The following UGT1A8 variants were observed in gnomAD, a reference collection of about 807,000 sequenced individuals.
The protein encoded by UGT1A8 is UDP glucuronosyltransferase family 1 member A8.
A neutral mutation model predicts 45.3 loss-of-function variants in UGT1A8; 39 were observed. The ratio of observed to expected loss-of-function variants is 0.86; its 90% confidence interval spans 0.67 to 1.12. UGT1A8 has a LOEUF of 1.12. Among genes scored for constraint, UGT1A8 ranks in the 50% most tolerant of loss-of-function variants. The pLI, the probability that UGT1A8 is intolerant of heterozygous loss-of-function variation, is 0.00. For synonymous variants in UGT1A8, 275 were observed against 249.2 expected (o/e 1.10, Z -0.97); for missense variants, 719 against 664.9 (o/e 1.08, Z -0.90).
At chr2:233,635,837 A>C (rs960344844) in intron 1 of UGT1A8, among the ~76,000 whole-genome samples, 1 of 150,762 alleles carries the variant, frequency 6.6e-6, no homozygotes, top group Non-Finnish European at 1.5e-5. Context: ...TGGGCCAGCA[A>C]CTCCCCACTG....
Position 233,668,147 on chromosome 2 carries a change from C to G in UGT1A8, c.855+49585C>G, listed in dbSNP as rs543211012. Among the ~76,000 whole-genome samples, 114 of 152,134 alleles carry G rather than the reference C, an allele frequency of 7.5e-4. 1 individual carries two copies. The highest frequency in any genetic ancestry group is 2.7e-3 in the African/African-American group (113 of 41,514). On this transcript the variant is annotated intron_variant, in intron 1 of 4. Transcript: ENST00000373450. ...TGTATACATGTGCCGTGTTGGTTTG[C>G]TGCACCCATTAACTCGTCATTTACA...
intron 1 of UGT1A8, among the ~76,000 whole-genome samples, chr2:233,725,693 A>G (rs2077467209): frequency 1.3e-5 from 2 of 152,246 alleles, no homozygotes; most frequent in African/African-American, 2.4e-5. Flanking sequence ...CTCAATAGTC[A>G]TATGTAGTTA....
chr2:233,768,319 G>A lies in UGT1A8; in HGVS notation c.1175G>A (p.Gly392Asp), dbSNP rs367897068. The A allele has an allele frequency of 6.2e-7, 1 of 1,614,162 alleles. No homozygotes were observed. Among genetic ancestry groups the A allele is most frequent in the Non-Finnish European group, 8.5e-7 (1 of 1,180,044 alleles). The change falls in exon 4 of 5, where the codon GGT (glycine) becomes GAT (aspartate). Residue 392 changes from glycine (G) to aspartate (D), a missense_variant. Gly to Asp is a moderately conservative substitution (Grantham distance 94). Transcript: ENST00000373450. ...CCCATGGTGATGATGCCCTTGTTTG[G>A]TGATCAGATGGACAATGCAAAGCGC... ...GVPMVMMPLF[G>D]DQMDNAKRME...
At chr2:233,650,977 A>G (rs2073724820) in intron 1 of UGT1A8, among the ~76,000 whole-genome samples, 1 of 152,194 alleles carries the variant, frequency 6.6e-6, no homozygotes, top group African/African-American at 2.4e-5. Flanking sequence ...ACACAGTTGT[A>G]TGTCTCACAC....
At chr2:233,743,673 G>C (rs1692427758) in intron 1 of UGT1A8, 4 of 1,367,190 alleles carry the variant, frequency 2.9e-6, no homozygotes, top group Middle Eastern at 4.2e-4. Context: ...TCCTCGAAGG[G>C]CCTGCCGCCT....
At chr2:233,620,411 C>T (rs1239095593) in intron 1 of UGT1A8, among the ~76,000 whole-genome samples, 2 of 152,152 alleles carry the variant, frequency 1.3e-5, no homozygotes, top group Non-Finnish European at 2.9e-5. Context: ...TCTGCCACTT[C>T]CTGAACCCAC....
intron 1 of UGT1A8, among the ~76,000 whole-genome samples, chr2:233,761,810 G>A (rs147752655): frequency 5.2e-4 from 79 of 152,328 alleles, no homozygotes; most frequent in African/African-American, 1.8e-3. Context: ...GAAAAGAACA[G>A]GAGAGGCTCC....
At position 233,757,558 on chromosome 2, in the gene UGT1A8, A is replaced by G. The variant is rs1013342289; in HGVS notation, c.856-9476A>G. ...GGAATATATATATATATATATATAT[A>G]TATGTATATATGATATAGCTATAGT... On this transcript the variant is annotated intron_variant, in intron 1 of 4. Transcript: ENST00000373450. Among the ~76,000 whole-genome samples the G allele has an allele frequency of 6.8e-4, 85 of 124,456 alleles. 2 individuals carry two copies. Among genetic ancestry groups the G allele is most frequent in the Admixed American group, 2.1e-3 (27 of 12,944 alleles). 81.6% of individuals were successfully genotyped at this position (124,456 alleles called of 152,430 possible).
intron 1 of UGT1A8, among the ~76,000 whole-genome samples, chr2:233,684,764 A>G (rs1012371005): frequency 2.6e-5 from 4 of 152,186 alleles, no homozygotes; most frequent in African/African-American, 9.6e-5. Context: ...AATTCAGATC[A>G]TAAAGAGTGC....
intron 1 of UGT1A8, among the ~76,000 whole-genome samples, chr2:233,705,713 G>A (rs1445913249): frequency 6.6e-6 from 1 of 152,162 alleles, no homozygotes; most frequent in African/African-American, 2.4e-5. Flanking sequence ...CCAGTATATT[G>A]TTATCTTTTA....
chr2:233,688,101 C>T (rs530758909), intron 1 of UGT1A8, among the ~76,000 whole-genome samples: 1 of 152,308 alleles, frequency 6.6e-6, no homozygotes, highest in South Asian at 2.1e-4. Context: ...TATTTCTCCC[C>T]CTTCTTCTAC....
At chr2:233,657,075 T>C (rs2073871398) in intron 1 of UGT1A8, among the ~76,000 whole-genome samples, 1 of 152,198 alleles carries the variant, frequency 6.6e-6, no homozygotes, top group South Asian at 2.1e-4. Context: ...TCCTTTGGTC[T>C]ACCCTAAGAA....
intron 1 of UGT1A8, among the ~76,000 whole-genome samples, chr2:233,627,548 G>GA (rs1559313983): frequency 6.6e-6 from 1 of 151,818 alleles, no homozygotes; most frequent in Non-Finnish European, 1.5e-5. Context: ...ACGTATTTCA[G>GA]AAAAAAATGC....
chr2:233,745,759 G>A (rs1184455578), intron 1 of UGT1A8, among the ~76,000 whole-genome samples: 1 of 150,666 alleles, frequency 6.6e-6, no homozygotes, highest in Non-Finnish European at 1.5e-5. Flanking sequence ...CAGAAGGGGT[G>A]GAGAGGAGGA....
intron 1 of UGT1A8, among the ~76,000 whole-genome samples, chr2:233,659,420 C>T (rs1227411905): frequency 6.6e-6 from 1 of 151,910 alleles, no homozygotes; most frequent in Non-Finnish European, 1.5e-5. Context: ...ATAAAGTCAG[C>T]TAGATAAAAG....
chr2:233,679,725 C>T (rs1359016647), intron 1 of UGT1A8, among the ~76,000 whole-genome samples: 1 of 152,074 alleles, frequency 6.6e-6, no homozygotes, highest in African/African-American at 2.4e-5. Flanking sequence ...ATTTTAAAGC[C>T]AAACCTCTTT....
chr2:233,725,049 TGGCGGCGCGCGCCTG>T (rs1559369977), intron 1 of UGT1A8, among the ~76,000 whole-genome samples: 1 of 147,424 alleles, frequency 6.8e-6, no homozygotes, highest in Non-Finnish European at 1.5e-5. Flanking sequence ...CAGTCAGGCG[TGGCGGCGCGCGCCTG>T]CAATCGCAGG....
At chr2:233,730,965 G>A (rs1412935935) in intron 1 of UGT1A8, among the ~76,000 whole-genome samples, 2 of 152,130 alleles carry the variant, frequency 1.3e-5, no homozygotes, top group African/African-American at 2.4e-5. Flanking sequence ...ATGGTACTCT[G>A]GGACCTGAAT....
Position 233,772,413 on chromosome 2 carries a change from T to G in UGT1A8, c.1447T>G (p.Tyr483Asp), listed in dbSNP as rs34993780. 159 of 1,614,182 alleles carry G rather than the reference T, an allele frequency of 9.9e-5. No homozygotes were observed. In the East Asian group the frequency reaches 2.1e-3, roughly 21 times the overall value. Reference sequence around the variant, plus strand: ...AGCCCACGACCTCACCTGGTACCAGTACCATTCCTTGGACGTGATTGGTTT... The same window carrying G: ...AGCCCACGACCTCACCTGGTACCAGGACCATTCCTTGGACGTGATTGGTTT... ...PAAHDLTWYQ[Y>D]HSLDVIGFLL... The change falls in exon 5 of 5, where the codon TAC becomes GAC. Residue 483 changes from tyrosine to aspartate, a missense_variant. By Grantham distance (160) the Tyr-to-Asp change is radical (BLOSUM62 -3). Transcript: ENST00000373450.
Sources: gnomAD v4.1 joint callset for allele counts (sites outside exome capture counted in the v4.1 genomes callset) on GRCh38, gnomAD v4.1.1 for gene constraint, MANE v1.5 for transcripts, NCBI Gene and HGNC (gene_info 2026-07-23, HGNC 2026-07-21) for gene names.